The following A2ML1 variants were observed in gnomAD, a reference collection of about 807,000 sequenced individuals.
A2ML1 encodes the protein alpha-2-macroglobulin-like protein 1.
A2ML1 carries 161 observed loss-of-function variants against 181.9 expected under a neutral mutation model. The ratio of observed to expected loss-of-function variants is 0.89; its 90% CI spans 0.78 to 1.01. The LOEUF (loss-of-function observed/expected upper bound fraction) is 1.01. Ranked by LOEUF, A2ML1 falls within the 50% of genes least tolerant of loss-of-function variation. The probability of loss-of-function intolerance (pLI) is 0.00; values close to 1 mark genes in which losing one functional copy is unlikely to be tolerated. For missense variants in A2ML1, 1,670 were observed against 1,768.1 expected, an observed-to-expected ratio of 0.94 and a Z score of 1.00; for synonymous variants, 663 against 666.8, an observed-to-expected ratio of 0.99 and a Z score of 0.09.
rs1364995911 is a variant in A2ML1, at chr12:8,848,162, GA to G, written c.1833+467del. Among the ~76,000 whole-genome samples, 34 of 150,094 alleles carry G rather than the reference GA, an allele frequency of 2.3e-4. 1 individual carries two copies. The South Asian group carries it at 7.2e-3, about 32-fold the overall frequency. On this transcript the variant is annotated intron_variant, in intron 15 of 35. Coordinates refer to ENST00000299698, the MANE Select transcript of A2ML1 (RefSeq NM_144670.6). ...AAAAAAAAAAACAAAAACAAAAAAA[GA>G]AAGGATAAGAGAAAGGCATGGTTAG... is the stretch of plus-strand genomic sequence containing the variant.
At chr12:8,858,632 G>C (rs1944154530) in intron 26 of A2ML1, among the ~76,000 whole-genome samples, 1 of 152,096 alleles carries the variant, frequency 6.6e-6, no homozygotes, top group South Asian at 2.1e-4. Context: ...TCAAAGCATA[G>C]TTCCCAGATC....
Position 8,869,162 on chromosome 12 carries a change from G to C in A2ML1, c.4180G>C (p.Val1394Leu). ...TCTCCAGCAACCCCTGGTGAAGAAG[G>C]TTGAATTTGGAACTGACACACTTAA... ...LLLQQPLVKK[V>L]EFGTDTLNIY... The change falls in exon 33 of 36, where the codon GTT (valine) becomes CTT (leucine). Residue 1394 changes from valine (V) to leucine (L), a missense_variant. Transcript: ENST00000299698. 1 of 1,614,064 alleles carries C rather than the reference G, an allele frequency of 6.2e-7. No individual in the cohort carries two copies.
At position 8,845,862 on chromosome 12, in the gene A2ML1, AAATAAATAAAATAAAATAAAATAAAAT is replaced by A. The variant is rs1482516150; in HGVS notation, c.1538-212_1538-186del. Among the ~76,000 whole-genome samples the A allele has an allele frequency of 0.087, 5,185 of 59,800 alleles. 407 individuals carry two copies. The highest frequency in any genetic ancestry group is 0.24 in the African/African-American group (4,380 of 18,632). The allele number at this position is 59,800 out of a possible 152,430, so 39.2% of individuals were successfully genotyped here. On this transcript the variant is annotated intron_variant, in intron 13 of 35. Transcript: ENST00000299698. ...GAGACTCCGTCTCAAAAAAAAAAAA[AAATAAATAAAATAAAATAAAATAAAAT>A]AAAAAAATTCTTATCCACAGAAGTA...
intron 10 of A2ML1, among the ~76,000 whole-genome samples, chr12:8,840,912 A>C (rs1464686765): frequency 6.6e-6 from 1 of 151,604 alleles, no homozygotes; most frequent in Non-Finnish European, 1.5e-5. Flanking sequence ...ATCTCAAAAA[A>C]AAAAAGAAAG....
chr12:8,854,537 C>G (rs893388879), intron 21 of A2ML1, among the ~76,000 whole-genome samples: 1 of 152,222 alleles, frequency 6.6e-6, no homozygotes, highest in Non-Finnish European at 1.5e-5. Context: ...CATTGTCAAT[C>G]TTGCCTCTTA....
intron 7 of A2ML1, among the ~76,000 whole-genome samples, chr12:8,883,253 A>G (rs10771160): frequency 0.86 from 131,082 of 151,982 alleles, 56,683 homozygotes; most frequent in East Asian, 1. Flanking sequence ...ATCTCTGGAA[A>G]GCTGGACCCT....
downstream of A2ML1, among the ~76,000 whole-genome samples, chr12:8,878,998 A>G (rs1202698345): frequency 6.6e-6 from 1 of 152,056 alleles, no homozygotes; most frequent in Non-Finnish European, 1.5e-5. The surrounding 1 kb of genome is among the most constrained non-coding windows in gnomAD (Gnocchi z 4.4). Context: ...ATAAAAGCGT[A>G]TACTGAAGAG....
chr12:8,829,620 A>T, intron 3 of A2ML1, 107 bp from the exon 4 acceptor site: 1 of 1,105,632 alleles, frequency 9.0e-7, no homozygotes, highest in African/African-American at 1.6e-5. Context: ...GTGCCACTGC[A>T]CTCCAACCTG....
chr12:8,886,447 T>C (rs1428369782), intron 7 of A2ML1: 1 of 152,220 alleles, frequency 6.6e-6, no homozygotes, highest in Non-Finnish European at 1.5e-5. Context: ...TTATTTTGTA[T>C]TTGGACCTTG....
At chr12:8,870,597 C>T (rs1234303313) in intron 33 of A2ML1, among the ~76,000 whole-genome samples, 2 of 152,138 alleles carry the variant, frequency 1.3e-5, no homozygotes, top group East Asian at 1.9e-4. Flanking sequence ...TGAGACAGCT[C>T]GGGTTAGCTT....
intron 6 of A2ML1, 84 bp from the exon 7 acceptor site, chr12:8,836,171 C>A: frequency 9.4e-7 from 1 of 1,068,980 alleles, no homozygotes; most frequent in South Asian, 1.4e-5. Flanking sequence ...ATTTAATTCT[C>A]ACTGTTTATA....
At chr12:8,859,146 C>A (rs944485282) in intron 26 of A2ML1, among the ~76,000 whole-genome samples, 7 of 151,804 alleles carry the variant, frequency 4.6e-5, no homozygotes, top group African/African-American at 7.3e-5. Flanking sequence ...TTGTCTGTAC[C>A]TGTCCCAAGC....
chr12:8,838,932 A>G (rs1176335165), intron 9 of A2ML1, among the ~76,000 whole-genome samples, 181 bp from the exon 10 acceptor site: 2 of 151,686 alleles, frequency 1.3e-5, no homozygotes, highest in African/African-American at 4.8e-5. Flanking sequence ...AAAAAAAAAA[A>G]AAAAGAAGAA....
chr12:8,859,186 A>G (rs1376009684), intron 26 of A2ML1, among the ~76,000 whole-genome samples: 1 of 151,934 alleles, frequency 6.6e-6, no homozygotes, highest in African/African-American at 2.4e-5. Context: ...CTGCAGGATA[A>G]CTTGTTCAAT....
rs778887242 is a variant in A2ML1 at position 8,828,066 on chromosome 12, G to C, written c.410-1661G>C. Among the ~76,000 whole-genome samples the C allele has an allele frequency of 3.1e-3, 475 of 152,306 alleles. 3 individuals carry two copies. The highest frequency in any genetic ancestry group is 0.011 in the African/African-American group (458 of 41,572). Reference sequence around the variant, plus strand: ...CTGGGTCAGATCTGAAGCCAGCACCGTACTGTGTCTCACCCAAGGCCTGTG... The same window carrying C: ...CTGGGTCAGATCTGAAGCCAGCACCCTACTGTGTCTCACCCAAGGCCTGTG... On this transcript the variant is annotated intron_variant, in intron 3 of 35. Coordinates refer to ENST00000299698, the MANE Select transcript of A2ML1 (RefSeq NM_144670.6).
Position 8,830,243 on chromosome 12 carries a change from G to C in A2ML1, c.462+464G>C, listed in dbSNP as rs150108527. ...ATTTTTGTATTTTTAGTAAAAACAG[G>C]GTTACATCATGTTGGCCAAGCTGGT... On this transcript the variant is annotated intron_variant, in intron 4 of 35. Transcript: ENST00000299698. 2.2e-3 allele frequency among the ~76,000 whole-genome samples: 341 copies of C among 151,994 alleles called. 5 individuals carry two copies. The highest frequency in any genetic ancestry group is 7.9e-3 in the African/African-American group (326 of 41,448).
intron 23 of A2ML1, 56 bp from the exon 24 acceptor site, chr12:8,857,108 T>TA: frequency 6.5e-7 from 1 of 1,530,706 alleles, no homozygotes; most frequent in South Asian, 1.2e-5. Context: ...TGATAACTCT[T>TA]AGAGGGTCCC....
chr12:8,871,721 T>G (rs775853053), intron 33 of A2ML1, among the ~76,000 whole-genome samples: 2 of 152,200 alleles, frequency 1.3e-5, no homozygotes, highest in Non-Finnish European at 2.9e-5. Context: ...CATATCTTCT[T>G]ATTAAATTTT....
At chr12:8,830,882 T>A (rs1001537057) in intron 4 of A2ML1, 4 of 152,230 alleles carry the variant, frequency 2.6e-5, no homozygotes, top group Non-Finnish European at 2.9e-5. Context: ...TTCCTTTTAC[T>A]TCCTCCTTCC....
Sources: gnomAD v4.1 joint callset for allele counts (sites outside exome capture counted in the v4.1 genomes callset) on GRCh38, gnomAD v4.1.1 for gene constraint, Gnocchi (gnomAD v3.1) non-coding constraint, MANE v1.5 for transcripts, NCBI Gene and HGNC (gene_info 2026-07-23, HGNC 2026-07-21) for gene names.